Variants in ANKRD46 observed in about 807,000 individuals in gnomAD.
The protein encoded by ANKRD46 is ankyrin repeat domain 46, also known as ankyrin repeat domain-containing protein 46.
A neutral mutation model predicts 19.8 loss-of-function variants in ANKRD46; 13 were observed. The observed-to-expected ratio is 0.66, with a 90% CI of 0.43 to 1.04. The LOEUF is 1.04. Ranked by LOEUF, ANKRD46 falls within the 50% of genes least tolerant of loss-of-function variation. The probability of loss-of-function intolerance (pLI) is 0.00; values close to 1 mark genes in which losing one functional copy is unlikely to be tolerated. For missense variants in ANKRD46, 185 were observed against 274.8 expected (o/e 0.67, Z 2.31); for synonymous variants, 91 against 106.9 (o/e 0.85, Z 0.92).
rs867857950 is a variant in ANKRD46, at chr8:100,527,309, T to G, written c.470+536A>C. Among the ~76,000 whole-genome samples the G allele has an allele frequency of 1.7e-4, 26 of 152,312 alleles. No individual in the cohort carries two copies. Among genetic ancestry groups the G allele is most frequent in the Non-Finnish European group, 2.8e-4 (19 of 68,026 alleles). ...GTGTTAAATACTATCTTGCTTTCCC[T>G]CTCTTGTTTTCTTGTTTCTCAGCAT... is the stretch of plus-strand genomic sequence containing the variant. On this transcript the variant is annotated intron_variant, in intron 4 of 4. Transcript: ENST00000335659. This position sits in a 1 kb window ranked among gnomAD's most constrained non-coding sequence, Gnocchi z 4.0.
Position 100,529,872 on chromosome 8 carries a change from T to C in ANKRD46, c.-27-12A>G, listed in dbSNP as rs1204653404. 1.3e-6 allele frequency: 2 copies of C among 1,574,784 alleles called. No individual in the cohort carries two copies. The highest frequency in any genetic ancestry group is 2.3e-5 in the South Asian group (2 of 87,612). On this transcript the variant is annotated splice_polypyrimidine_tract_variant and intron_variant, in intron 2 of 4. Coordinates refer to ENST00000335659, the MANE Select transcript of ANKRD46 (RefSeq NM_001270377.2). This position sits in a 1 kb window ranked among gnomAD's most constrained non-coding sequence, Gnocchi z 5.8. ...TGGATGGAACACGCCTGTAATGAAATAGGTGAGTGAGATTCCATGAAGACA... is the reference window on the plus strand; with the variant it reads ...TGGATGGAACACGCCTGTAATGAAACAGGTGAGTGAGATTCCATGAAGACA...
chr8:100,556,905 T>C (rs1175678453), intron 1 of ANKRD46: 1 of 152,194 alleles, frequency 6.6e-6, no homozygotes, highest in Non-Finnish European at 1.5e-5. Flanking sequence ...TGGAAAGCCC[T>C]AGAGCTCAAT....
intron 4 of ANKRD46, among the ~76,000 whole-genome samples, chr8:100,526,056 A>G (rs1444425587): frequency 6.6e-6 from 1 of 152,208 alleles, no homozygotes; most frequent in African/African-American, 2.4e-5. Context: ...GGGTAGGAGT[A>G]AGATAGGAAA....
chr8:100,554,946 C>A (rs896387571), intron 1 of ANKRD46, among the ~76,000 whole-genome samples: 3 of 147,212 alleles, frequency 2.0e-5, no homozygotes, highest in Non-Finnish European at 1.5e-5. Flanking sequence ...GCAGGAGAAT[C>A]GTTTGATGCA....
At chr8:100,513,992 G>C (rs906052241) in intron 5 of ANKRD46, among the ~76,000 whole-genome samples, 1 of 152,176 alleles carries the variant, frequency 6.6e-6, no homozygotes, top group African/African-American at 2.4e-5. Context: ...CTGACCCAGA[G>C]TCTTCAAATT....
At position 100,522,557 on chromosome 8, in the gene ANKRD46, A is replaced by C; in HGVS notation, c.685T>G (p.Ter229GluextTer32). 1 of 1,614,106 alleles carries C rather than the reference A, an allele frequency of 6.2e-7. No homozygotes were observed. The highest frequency in any genetic ancestry group is 8.5e-7 in the Non-Finnish European group (1 of 1,180,004). The change falls in exon 5 of 5, where the codon TAA becomes GAA. Residue 229 changes from the stop codon to glutamate, a stop_lost. Coordinates refer to ENST00000335659, the MANE Select transcript of ANKRD46 (RefSeq NM_001270377.2). ...FVENQPELVH[*>E] ...TGCCTCATCTTCCATGAGCTCCTTTAATGCACCAGTTCAGGCTGGTTTTCC... is the reference window on the plus strand; with the variant it reads ...TGCCTCATCTTCCATGAGCTCCTTTCATGCACCAGTTCAGGCTGGTTTTCC...
chr8:100,555,345 G>A (rs894843634), intron 1 of ANKRD46, among the ~76,000 whole-genome samples: 3 of 150,596 alleles, frequency 2.0e-5, no homozygotes, highest in African/African-American at 7.3e-5. Flanking sequence ...AGATCTACAT[G>A]AAGAAAAGCA....
In ANKRD46 at chr8:100,511,049, T is replaced by C. The variant is rs751722262; in HGVS notation, c.637-410A>G. Among the ~76,000 whole-genome samples the C allele has an allele frequency of 3.3e-5, 5 of 152,226 alleles. No homozygotes were observed. Among genetic ancestry groups the C allele is most frequent in the African/African-American group, 7.2e-5 (3 of 41,448 alleles). ...CAGCACAGGGCAGAGCTCTAGATTG[T>C]GCTTGGCCTAAAGAGGAAGTAATCA... On this transcript the variant is annotated intron_variant, in intron 5 of 5. Transcript: ENST00000520552. This position sits in a 1 kb window ranked among gnomAD's most constrained non-coding sequence, Gnocchi z 4.1.
At position 100,511,267 on chromosome 8, in the gene ANKRD46, C is replaced by T. The variant is rs916971033; in HGVS notation, c.637-628G>A. 2.6e-5 allele frequency among the ~76,000 whole-genome samples: 4 copies of T among 152,196 alleles called. No homozygotes were observed. Among genetic ancestry groups the T allele is most frequent in the African/African-American group, 4.8e-5 (2 of 41,444 alleles). On this transcript the variant is annotated intron_variant, in intron 5 of 5. Transcript: ENST00000520552. This position sits in a 1 kb window ranked among gnomAD's most constrained non-coding sequence, Gnocchi z 4.1. ...GGTAGGTAACCTGCCCACTGACACT[C>T]CATCATAGTGTAGGCTGGGGATCCA...
In ANKRD46 at chr8:100,521,121, A is replaced by G; in HGVS notation, c.*1434T>C. ...GCCAGTTACTCAGGAATTTTACAAC[A>G]GCTATTAAAGAGAGGATAAAGCCAC... On this transcript the variant is annotated 3_prime_UTR_variant, in exon 5 of 5. Coordinates refer to ENST00000335659, the MANE Select transcript of ANKRD46 (RefSeq NM_001270377.2). 1.0e-6 allele frequency: 1 copy of G among 985,170 alleles called. No homozygotes were observed. The highest frequency in any genetic ancestry group is 1.2e-6 in the Non-Finnish European group (1 of 829,900). 61.0% of individuals were successfully genotyped at this position (985,170 alleles called of 1,614,324 possible). A position where few individuals can be genotyped will look rare whatever the true frequency, so the allele number is the denominator to read the frequency against.
intron 1 of ANKRD46, among the ~76,000 whole-genome samples, chr8:100,548,019 T>C (rs953680118): frequency 6.6e-6 from 1 of 152,166 alleles, no homozygotes. Flanking sequence ...GCTAAAAGTA[T>C]TTTTAGTAGC....
At chr8:100,528,518 T>A (rs980561756) in intron 3 of ANKRD46, among the ~76,000 whole-genome samples, 1 of 127,764 alleles carries the variant, frequency 7.8e-6, no homozygotes, top group African/African-American at 3.4e-5. Flanking sequence ...CTTGTTTTTC[T>A]TTTTTTTTTT....
At chr8:100,515,467 G>C (rs1811615053) in intron 5 of ANKRD46, among the ~76,000 whole-genome samples, 1 of 152,064 alleles carries the variant, frequency 6.6e-6, no homozygotes, top group Admixed American at 6.6e-5. Flanking sequence ...GTCTCCTGTT[G>C]ACACACAAAT....
chr8:100,554,158 T>A (rs994620622), intron 1 of ANKRD46, among the ~76,000 whole-genome samples: 1 of 152,214 alleles, frequency 6.6e-6, no homozygotes, highest in Non-Finnish European at 1.5e-5. Flanking sequence ...TTGGTGTATA[T>A]CTCCTGCTTA....
intron 1 of ANKRD46, among the ~76,000 whole-genome samples, chr8:100,555,468 A>G (rs2053061539): frequency 1.3e-5 from 2 of 151,484 alleles, no homozygotes; most frequent in African/African-American, 4.8e-5. Flanking sequence ...ACAGTATTAA[A>G]GAGGACTGGG....
Position 100,511,447 on chromosome 8 carries a change from T to C in ANKRD46, c.637-808A>G, listed in dbSNP as rs1377880503. ...AGGTAGACACCAAGTTGTGTGTGTG[T>C]GTGTGTGTGTGTGTCCTGTGGTGTA... On this transcript the variant is annotated intron_variant, in intron 5 of 5. Transcript: ENST00000520552. This position sits in a 1 kb window ranked among gnomAD's most constrained non-coding sequence, Gnocchi z 4.1. Among the ~76,000 whole-genome samples the C allele has an allele frequency of 6.6e-6, 1 of 152,124 alleles. No individual in the cohort carries two copies. The highest frequency in any genetic ancestry group is 2.4e-5 in the African/African-American group (1 of 41,418).
Position 100,521,981 on chromosome 8 carries a change from T to G in ANKRD46, c.*574A>C. ...ATCTTTGAACAAAATATAGCTCATTTTCAAAAGTTTTGTTTGGTTTGTGAC... is the reference window on the plus strand; with the variant it reads ...ATCTTTGAACAAAATATAGCTCATTGTCAAAAGTTTTGTTTGGTTTGTGAC... On this transcript the variant is annotated 3_prime_UTR_variant, in exon 5 of 5. Transcript: ENST00000335659. 1.0e-6 allele frequency: 1 copy of G among 984,132 alleles called. No homozygotes were observed. The highest frequency in any genetic ancestry group is 1.2e-6 in the Non-Finnish European group (1 of 828,710). 61.0% of individuals were successfully genotyped at this position (984,132 alleles called of 1,614,324 possible). A position where few individuals can be genotyped will look rare whatever the true frequency, so the allele number is the denominator to read the frequency against.
At chr8:100,512,044 CAAT>C (rs1473304336) in intron 5 of ANKRD46, among the ~76,000 whole-genome samples, 10 of 152,080 alleles carry the variant, frequency 6.6e-5, no homozygotes, top group Admixed American at 5.9e-4. Flanking sequence ...AACAAAAAGA[CAAT>C]AAAGAATTTC....
At position 100,510,587 on chromosome 8, in the gene ANKRD46, T is replaced by C. The variant is rs1563921930; in HGVS notation, c.689A>G (p.Gln230Arg). Reference sequence around the variant, plus strand: ...ACACTGACCTAGAGATTAGATGGCCTGGATTCGGCTTCTGTCTTGCCTTGC... The same window carrying C: ...ACACTGACCTAGAGATTAGATGGCCCGGATTCGGCTTCTGTCTTGCCTTGC... The change falls in exon 6 of 6, where the codon CAG becomes CGG. Residue 230 changes from glutamine to arginine, a missense_variant. By Grantham distance (43) the Gln-to-Arg change is conservative (BLOSUM62 1). Transcript: ENST00000520552. The surrounding 1 kb of genome is among the most constrained non-coding windows in gnomAD (Gnocchi z 4.9). 6.5e-7 allele frequency: 1 copy of C among 1,535,668 alleles called. No homozygotes were observed. Among genetic ancestry groups the C allele is most frequent in the East Asian group, 2.4e-5 (1 of 40,914 alleles).
Sources: allele counts gnomAD v4.1 joint callset (sites outside exome capture counted in the v4.1 genomes callset), GRCh38; gene constraint gnomAD v4.1.1; non-coding constraint Gnocchi (gnomAD v3.1); transcripts MANE v1.5; gene names NCBI Gene and HGNC (gene_info 2026-07-23, HGNC 2026-07-21).